The following HEXA variants were observed in gnomAD, a reference collection of about 807,000 sequenced individuals.
HEXA encodes beta-hexosaminidase subunit alpha.
HEXA carries 54 observed loss-of-function variants against 73.3 expected under a neutral mutation model. The observed-to-expected ratio is 0.74, with a 90% CI of 0.59 to 0.92. The LOEUF (loss-of-function observed/expected upper bound fraction) is 0.92, where lower values mean the gene tolerates loss of function less well. Among genes scored for constraint, HEXA ranks in the 40% least tolerant of loss-of-function variants. The pLI, the probability that HEXA is intolerant of heterozygous loss-of-function variation, is 0.00. For synonymous variants in HEXA, 230 were observed against 246.9 expected (o/e 0.93, Z 0.64); for missense variants, 649 against 653.0 (o/e 0.99, Z 0.07).
At chr15:72,363,421 T>C (rs1175251185) in intron 1 of HEXA, among the ~76,000 whole-genome samples, 2 of 152,178 alleles carry the variant, frequency 1.3e-5, no homozygotes, top group Non-Finnish European at 2.9e-5. Context: ...GAACCCTGAA[T>C]TGGTGTTCAC....
chr15:72,365,965 C>T (rs1020531709), intron 1 of HEXA, among the ~76,000 whole-genome samples: 23 of 152,150 alleles, frequency 1.5e-4, no homozygotes, highest in Admixed American at 3.9e-4. Context: ...ATGTTGCTTC[C>T]TCTTCTCCAC....
intron 1 of HEXA, chr15:72,362,396 C>T (rs1007806615): frequency 6.6e-6 from 3 of 454,042 alleles, no homozygotes; most frequent in African/African-American, 2.0e-5. Flanking sequence ...AGTTCCTCAA[C>T]AGGAGGGACC....
In HEXA at chr15:72,353,733, C is replaced by T. The variant is rs1567299634; in HGVS notation, c.417G>A (p.Leu139=). The change falls in exon 4 of 14, where the codon CTG becomes CTA. Residue 139 remains leucine, a synonymous_variant. Coordinates refer to ENST00000268097, the MANE Select transcript of HEXA (RefSeq NM_000520.6). ...TCCAAACAAGCTGGCTAAAAGTCTC[C>T]AGACCTAGGAAGATGTAGAGAGGCA... ...SETVWGALRG[L]ETFSQLVWKS... 6.2e-7 allele frequency: 1 copy of T among 1,611,228 alleles called. No individual in the cohort carries two copies. The highest frequency in any genetic ancestry group is 8.5e-7 in the Non-Finnish European group (1 of 1,177,414).
At chr15:72,369,742 C>T (rs1342574021) in intron 1 of HEXA, among the ~76,000 whole-genome samples, 1 of 152,156 alleles carries the variant, frequency 6.6e-6, no homozygotes, top group Non-Finnish European at 1.5e-5. Flanking sequence ...TGTAAAACTC[C>T]TTTCCCTCTA....
chr15:72,348,175 C>T, intron 8 of HEXA, 41 bp from the exon 9 acceptor site: 1 of 1,405,604 alleles, frequency 7.1e-7, no homozygotes, highest in Non-Finnish European at 1.0e-6. Flanking sequence ...TTTCAACATC[C>T]TGAAAGCCTA....
intron 11 of HEXA, 95 bp from the exon 12 acceptor site, chr15:72,346,420 G>A: frequency 1.3e-6 from 2 of 1,501,648 alleles, no homozygotes; most frequent in Non-Finnish European, 1.9e-6. Flanking sequence ...CCCCAGCTAA[G>A]TTGTTTCATT....
chr15:72,358,309 T>C (rs1227478465), intron 1 of HEXA: 1 of 152,170 alleles, frequency 6.6e-6, no homozygotes, highest in Non-Finnish European at 1.5e-5. Context: ...TTAGTTCTAA[T>C]CCTCTGGGGC....
chr15:72,375,817 C>G lies in HEXA; in HGVS notation c.156G>C (p.Ser52=), dbSNP rs1595816211. 4 of 1,614,270 alleles carry G rather than the reference C, an allele frequency of 2.5e-6. No homozygotes were observed. The highest frequency in any genetic ancestry group is 2.5e-6 in the Non-Finnish European group (3 of 1,180,050). Residue 52 remains serine, a synonymous_variant, in exon 1 of 14, where the codon TCG becomes TCC. Transcript: ENST00000268097. ...GGACTGAGCAGCCGGGCTGCGCGGC[C>G]GAGCTGACATCGTACTGGAATTGAA... is the stretch of plus-strand genomic sequence containing the variant. The part of the protein sequence containing the change: ...NNFQFQYDVS[S]AAQPGCSVLD...
intron 1 of HEXA, among the ~76,000 whole-genome samples, chr15:72,361,985 C>T (rs1481075219): frequency 6.6e-6 from 1 of 152,332 alleles, no homozygotes; most frequent in African/African-American, 2.4e-5. Context: ...AAGAGCATGA[C>T]AGTCTCCGCT....
At position 72,341,639 on chromosome 15, in the gene HEXA, GT is replaced by G. The variant is rs1331116529; in HGVS notation, c.*2437del. ...AAGATGGCCTGTGTTCCGCTCAGGG[GT>G]GGGACTTTCAATTTACAGCCTAGGT... On this transcript the variant is annotated 3_prime_UTR_variant, in exon 14 of 14. Coordinates refer to ENST00000268097, the MANE Select transcript of HEXA (RefSeq NM_000520.6). 1 of 152,228 alleles carries G rather than the reference GT, an allele frequency of 6.6e-6. No homozygotes were observed. The highest frequency in any genetic ancestry group is 1.5e-5 in the Non-Finnish European group (1 of 68,064). The allele number at this position is 152,228 out of a possible 1,614,324, so 9.4% of individuals were successfully genotyped here. A position where few individuals can be genotyped will look rare whatever the true frequency, so the allele number is the denominator to read the frequency against.
chr15:72,347,376 G>A (rs1471919177), intron 10 of HEXA, among the ~76,000 whole-genome samples: 1 of 151,056 alleles, frequency 6.6e-6, no homozygotes, highest in African/African-American at 2.4e-5. Context: ...GGCTCAAGCA[G>A]TACCCCAACC....
In HEXA at chr15:72,347,728, C is replaced by T. The variant is rs535530869; in HGVS notation, c.1104G>A (p.Lys368=). The change falls in exon 10 of 14, where the codon AAG becomes AAA. Residue 368 remains lysine (K), a synonymous_variant. Transcript: ENST00000268097. ...ACACCTCCTGCCACACCACATAGCC[C>T]TTGCCATAAGAAGAGACGATGTCCA... ...TLLDIVSSYG[K]GYVVWQEVFD... 2 of 1,614,222 alleles carry T rather than the reference C, an allele frequency of 1.2e-6. No homozygotes were observed. The highest frequency in any genetic ancestry group is 2.2e-5 in the South Asian group (2 of 91,088).
In HEXA at chr15:72,346,217, C is replaced by A. The variant is rs765492434; in HGVS notation, c.1421+18G>T. 2 of 1,594,324 alleles carry A rather than the reference C, an allele frequency of 1.3e-6. No individual in the cohort carries two copies. Among genetic ancestry groups the A allele is most frequent in the South Asian group, 2.2e-5 (2 of 90,332 alleles). ...GCTCTCAGGCCCAACCCTCCACCTC[C>A]CCCCCGAAAACCCTTACCAGAGCCT... On this transcript the variant is annotated intron_variant, in intron 12 of 13. Coordinates refer to ENST00000268097, the MANE Select transcript of HEXA (RefSeq NM_000520.6).
chr15:72,356,460 C>T, intron 2 of HEXA, 65 bp downstream of exon 2: 1 of 1,581,052 alleles, frequency 6.3e-7, no homozygotes, highest in East Asian at 2.2e-5. Flanking sequence ...TAGGCCAGGC[C>T]ATCCAGAGTT....
chr15:72,366,009 G>C (rs1413080701), intron 1 of HEXA, among the ~76,000 whole-genome samples: 1 of 151,990 alleles, frequency 6.6e-6, no homozygotes, highest in African/African-American at 2.4e-5. Context: ...CATTCACCTT[G>C]TAAACCCTCT....
At chr15:72,358,864 A>C (rs796202036) in intron 1 of HEXA, 5 of 152,390 alleles carry the variant, frequency 3.3e-5, no homozygotes, top group African/African-American at 1.2e-4. Context: ...TTCCGCCTCC[A>C]AGTTGCTACT....
chr15:72,362,437 GAC>G (rs1424577989), intron 1 of HEXA: 1 of 455,804 alleles, frequency 2.2e-6, no homozygotes, highest in Admixed American at 2.4e-5. Context: ...CCCAGTGCCT[GAC>G]ACACAGCAGT....
rs10468051 is a variant in HEXA at position 72,345,258 on chromosome 15, C to T, written c.1526+188G>A. The T allele has an allele frequency of 0.076, 84,629 of 1,106,492 alleles. 4,697 individuals are homozygous for T. The highest frequency in any genetic ancestry group is 0.23 in the East Asian group (8,475 of 37,216). The allele number at this position is 1,106,492 out of a possible 1,614,324, so 68.5% of individuals were successfully genotyped here. On this transcript the variant is annotated intron_variant, in intron 13 of 13. Transcript: ENST00000268097. ...TGTTATACAGTATTTTTTATTTGTA[C>T]CATTTTTTGTTGTATTTTTTTTTTC... is the stretch of plus-strand genomic sequence containing the variant.
chr15:72,356,117 T>G, intron 2 of HEXA: 1 of 384,146 alleles, frequency 2.6e-6, no homozygotes, highest in East Asian at 6.9e-5. Flanking sequence ...GACTGAGAAG[T>G]CCCCAAATGC....
Sources: allele counts gnomAD v4.1 joint callset (sites outside exome capture counted in the v4.1 genomes callset), GRCh38; gene constraint gnomAD v4.1.1; transcripts MANE v1.5; gene names NCBI Gene and HGNC (gene_info 2026-07-23, HGNC 2026-07-21).